SNTG1: variants seen among roughly 807,000 people sequenced by gnomAD.
SNTG1 encodes the protein gamma-1-syntrophin.
Under a neutral mutation model 74.7 loss-of-function variants are expected in SNTG1, and 39 were observed. The observed-to-expected ratio is 0.52, with a 90% CI of 0.40 to 0.68. The LOEUF is 0.68. Ranked by LOEUF, SNTG1 falls within the 30% of genes least tolerant of loss-of-function variation. The probability of loss-of-function intolerance (pLI) is 0.00; values close to 1 mark genes in which losing one functional copy is unlikely to be tolerated. For synonymous variants in SNTG1, 254 were observed against 217.1 expected (o/e 1.17, Z -1.49); for missense variants, 685 against 609.5 (o/e 1.12, Z -1.30).
At chr8:50,295,355 C>A (rs533533036) in intron 2 of SNTG1, among the ~76,000 whole-genome samples, 1 of 152,162 alleles carries the variant, frequency 6.6e-6, no homozygotes, top group African/African-American at 2.4e-5. Flanking sequence ...ACTTCTATAT[C>A]TCTACTTATT....
chr8:50,404,028 T>A (rs1399118466), intron 4 of SNTG1, among the ~76,000 whole-genome samples: 1 of 152,158 alleles, frequency 6.6e-6, no homozygotes, highest in Non-Finnish European at 1.5e-5. Context: ...TTCATGATGA[T>A]ATGCATAGAA....
chr8:50,220,638 G>A (rs2085016579), intron 2 of SNTG1, among the ~76,000 whole-genome samples: 1 of 152,170 alleles, frequency 6.6e-6, no homozygotes, highest in Admixed American at 6.5e-5. Context: ...GCATGAGCCA[G>A]CGTGCTCCTT....
chr8:50,691,882 A>G (rs1372793097), intron 15 of SNTG1, among the ~76,000 whole-genome samples: 1 of 152,208 alleles, frequency 6.6e-6, no homozygotes, highest in Non-Finnish European at 1.5e-5. Context: ...ACTTTCAGGA[A>G]CACCAATCAG....
chr8:50,550,829 TTTTG>T (rs1258670736), intron 11 of SNTG1, among the ~76,000 whole-genome samples: 2 of 152,172 alleles, frequency 1.3e-5, no homozygotes, highest in Non-Finnish European at 2.9e-5. Context: ...TATTAACTAT[TTTTG>T]TTTATCTTGA....
rs570622569 is a variant in SNTG1, at chr8:50,105,592, G to A, written c.-102-66969G>A. Among the ~76,000 whole-genome samples the A allele has an allele frequency of 4.0e-5, 6 of 151,814 alleles. No homozygotes were observed. The East Asian group carries it at 1.2e-3, about 29-fold the overall frequency. On this transcript the variant is annotated intron_variant, in intron 1 of 18. Coordinates refer to ENST00000642720, the MANE Select transcript of SNTG1 (RefSeq NM_018967.5). ...GAAGAAAGTTATTGGAATTTTAGTA[G>A]GAATAGTATTTAATCTGTAAATTGC... is the stretch of plus-strand genomic sequence containing the variant.
chr8:50,271,959 A>G (rs554969013), intron 2 of SNTG1, among the ~76,000 whole-genome samples: 9 of 152,184 alleles, frequency 5.9e-5, no homozygotes, highest in Admixed American at 5.2e-4. Context: ...GACCCCAGGG[A>G]GCTCTTTTGT....
chr8:50,112,647 C>T (rs962570638), intron 1 of SNTG1, among the ~76,000 whole-genome samples: 5 of 150,270 alleles, frequency 3.3e-5, no homozygotes, highest in Non-Finnish European at 5.9e-5. Context: ...CTCAGGCTTC[C>T]GAGTAGCTGG....
intron 1 of SNTG1, chr8:50,011,807 T>C (rs936428778): frequency 6.6e-6 from 1 of 152,224 alleles, no homozygotes; most frequent in Non-Finnish European, 1.5e-5. Flanking sequence ...GGAGTTGTTC[T>C]GTGCTGAGAG....
intron 1 of SNTG1, among the ~76,000 whole-genome samples, chr8:49,930,930 A>C (rs1175031014): frequency 6.6e-6 from 1 of 152,222 alleles, no homozygotes; most frequent in Non-Finnish European, 1.5e-5. Context: ...CAAATGATAC[A>C]TATAAAATAG....
chr8:50,376,729 T>TTATATATATATATATATATATA (rs375978893), intron 2 of SNTG1, among the ~76,000 whole-genome samples: 1 of 100,614 alleles, frequency 9.9e-6, no homozygotes, highest in Non-Finnish European at 2.0e-5. Flanking sequence ...TATTAATAAA[T>TTATATATATATATATATATATA]TATATATATA....
chr8:50,282,564 C>T (rs1375979902), intron 2 of SNTG1, among the ~76,000 whole-genome samples: 3 of 150,632 alleles, frequency 2.0e-5, no homozygotes, highest in Admixed American at 6.7e-5. Context: ...ATAAAGTCAA[C>T]CTTATTTCCT....
At chr8:50,490,329 G>A (rs891800009) in intron 8 of SNTG1, among the ~76,000 whole-genome samples, 7 of 152,110 alleles carry the variant, frequency 4.6e-5, no homozygotes, top group African/African-American at 1.7e-4. Flanking sequence ...TAGCTTGATG[G>A]GAATAGCATT....
At chr8:50,424,354 A>C (rs1161932922) in intron 4 of SNTG1, among the ~76,000 whole-genome samples, 1 of 152,198 alleles carries the variant, frequency 6.6e-6, no homozygotes, top group Non-Finnish European at 1.5e-5. Context: ...AAGCCTCAAC[A>C]ACAGATGTTG....
intron 2 of SNTG1, among the ~76,000 whole-genome samples, chr8:50,190,290 A>G (rs573557488): frequency 6.6e-6 from 1 of 152,258 alleles, no homozygotes; most frequent in African/African-American, 2.4e-5. Context: ...GCTGTTAACC[A>G]TATTTTTATA....
chr8:50,052,130 C>T (rs1468037964), intron 1 of SNTG1, among the ~76,000 whole-genome samples: 2 of 151,900 alleles, frequency 1.3e-5, no homozygotes, highest in South Asian at 2.1e-4. Context: ...TTGGAGGATT[C>T]ATACTATATT....
intron 4 of SNTG1, among the ~76,000 whole-genome samples, chr8:50,425,163 G>T (rs1043564398): frequency 4.6e-5 from 7 of 151,992 alleles, no homozygotes; most frequent in Non-Finnish European, 1.0e-4. Context: ...TGGAGATAAG[G>T]GCAAAAAGGG....
At chr8:50,044,143 G>T (rs1818877746) in intron 1 of SNTG1, among the ~76,000 whole-genome samples, 1 of 152,176 alleles carries the variant, frequency 6.6e-6, no homozygotes, top group African/African-American at 2.4e-5. Flanking sequence ...ACTCACAGAA[G>T]TCCCTAGTTA....
intron 2 of SNTG1, among the ~76,000 whole-genome samples, chr8:50,306,031 T>G (rs1360416893): frequency 6.6e-6 from 1 of 151,998 alleles, no homozygotes; most frequent in African/African-American, 2.4e-5. Context: ...ATATAATTTT[T>G]TATCCCTACC....
At chr8:50,113,292 G>A (rs576170725) in intron 1 of SNTG1, among the ~76,000 whole-genome samples, 58 of 152,242 alleles carry the variant, frequency 3.8e-4, no homozygotes, top group Admixed American at 1.6e-3. Flanking sequence ...GTGGTCTGTA[G>A]TTCTCCTTGA....
Sources: allele counts gnomAD v4.1 joint callset (sites outside exome capture counted in the v4.1 genomes callset), GRCh38; gene constraint gnomAD v4.1.1; transcripts MANE v1.5; gene names NCBI Gene and HGNC (gene_info 2026-07-23, HGNC 2026-07-21).